SRRM4: variants seen among roughly 807,000 people sequenced by gnomAD.
The protein encoded by SRRM4 is serine/arginine repetitive matrix protein 4.
SRRM4 carries 33 observed loss-of-function variants against 68.9 expected under a neutral mutation model. That is an observed-to-expected ratio of 0.48 (90% CI 0.36 to 0.64). The LOEUF (loss-of-function observed/expected upper bound fraction) is 0.64, where lower values mean the gene tolerates loss of function less well. Ranked by LOEUF, SRRM4 falls within the 30% of genes least tolerant of loss-of-function variation. The pLI is 0.00. For synonymous variants in SRRM4, 318 were observed against 318.8 expected, an observed-to-expected ratio of 1.00 and a Z score of 0.03; for missense variants, 817 against 827.1, an observed-to-expected ratio of 0.99 and a Z score of 0.15.
At chr12:119,045,759 C>T (rs1953703517) in intron 1 of SRRM4, among the ~76,000 whole-genome samples, 1 of 152,040 alleles carries the variant, frequency 6.6e-6, no homozygotes, top group South Asian at 2.1e-4. Flanking sequence ...ATAATTAGGC[C>T]AGGCATGGTG....
rs553485126 is a variant in SRRM4 at position 119,004,302 on chromosome 12, G to C, written c.131+22289G>C. 1.6e-4 allele frequency among the ~76,000 whole-genome samples: 24 copies of C among 152,008 alleles called. No homozygotes were observed. The South Asian group carries it at 5.0e-3, about 32-fold the overall frequency. On this transcript the variant is annotated intron_variant, in intron 1 of 12. Transcript: ENST00000267260. ...ATCCCTTTAGGGTCACAACCATTCTGCTCCTTGCGTCCTGTGGGATATTTT... is the reference window on the plus strand; with the variant it reads ...ATCCCTTTAGGGTCACAACCATTCTCCTCCTTGCGTCCTGTGGGATATTTT...
At chr12:119,077,174 C>G (rs574315599) in intron 1 of SRRM4, among the ~76,000 whole-genome samples, 103 of 152,280 alleles carry the variant, frequency 6.8e-4, no homozygotes, top group African/African-American at 2.4e-3. Context: ...TGGGTCCCTA[C>G]CTACAGAATG....
chr12:119,125,953 G>A (rs1954256457), intron 7 of SRRM4, among the ~76,000 whole-genome samples: 1 of 150,736 alleles, frequency 6.6e-6, no homozygotes, highest in Non-Finnish European at 1.5e-5. Context: ...CAAGAGAAAG[G>A]GCTGGAGACC....
chr12:119,057,229 C>T (rs966619164), intron 1 of SRRM4, among the ~76,000 whole-genome samples: 1 of 152,080 alleles, frequency 6.6e-6, no homozygotes, highest in East Asian at 1.9e-4. Context: ...GCAGGATGCG[C>T]AGGTTTGTTA....
chr12:119,100,766 G>T (rs1742442458), intron 1 of SRRM4, among the ~76,000 whole-genome samples: 4 of 152,244 alleles, frequency 2.6e-5, no homozygotes, highest in African/African-American at 9.6e-5. Context: ...CAGCAGACAG[G>T]GCAGCATTCC....
At chr12:119,015,542 C>A (rs1296725335) in intron 1 of SRRM4, among the ~76,000 whole-genome samples, 2 of 152,172 alleles carry the variant, frequency 1.3e-5, no homozygotes, top group Non-Finnish European at 2.9e-5. Context: ...ACTCACCCTT[C>A]TACATGCTCT....
In SRRM4 at chr12:119,030,262, A is replaced by G. The variant is rs1442529770; in HGVS notation, c.131+48249A>G. Among the ~76,000 whole-genome samples, 3 of 152,352 alleles carry G rather than the reference A, an allele frequency of 2.0e-5. No individual in the cohort carries two copies. The East Asian group carries it at 5.8e-4, about 29-fold the overall frequency. On this transcript the variant is annotated intron_variant, in intron 1 of 12. Coordinates refer to ENST00000267260, the MANE Select transcript of SRRM4 (RefSeq NM_194286.4). Reference sequence around the variant, plus strand: ...AACCAAGGGTATGACACAGGATGGGAAGAACCTCCCCACAAGGGAGGATAA... The same window carrying G: ...AACCAAGGGTATGACACAGGATGGGGAGAACCTCCCCACAAGGGAGGATAA...
chr12:119,149,164 A>G (rs565018647), intron 9 of SRRM4, among the ~76,000 whole-genome samples: 63 of 152,324 alleles, frequency 4.1e-4, no homozygotes, highest in Admixed American at 4.0e-3. Context: ...CCTGGCCAAC[A>G]TGGTGAAACC....
chr12:119,063,235 T>C (rs1953825486), intron 1 of SRRM4, among the ~76,000 whole-genome samples: 2 of 152,244 alleles, frequency 1.3e-5, no homozygotes, highest in Admixed American at 6.5e-5. Context: ...TGGTTATCAA[T>C]GCACATGACT....
At chr12:119,128,350 A>G (rs1470818734) in intron 7 of SRRM4, among the ~76,000 whole-genome samples, 2 of 152,262 alleles carry the variant, frequency 1.3e-5, no homozygotes, top group South Asian at 2.1e-4. Context: ...CTTTCTAAAT[A>G]AGACTGATGA....
Position 119,154,081 on chromosome 12 carries a change from C to G in SRRM4, c.1392-162C>G, listed in dbSNP as rs1373768171. On this transcript the variant is annotated intron_variant, in intron 11 of 12. Transcript: ENST00000267260. The surrounding 1 kb of genome is among the most constrained non-coding windows in gnomAD (Gnocchi z 4.7). Reference sequence around the variant, plus strand: ...ACTAACAACCCTCGCAGACTCTTACCGCAGCCCCGTCATCCTCCCTCCGGT... The same window carrying G: ...ACTAACAACCCTCGCAGACTCTTACGGCAGCCCCGTCATCCTCCCTCCGGT... 6.6e-6 allele frequency among the ~76,000 whole-genome samples: 1 copy of G among 152,104 alleles called. No individual in the cohort carries two copies.
intron 2 of SRRM4, among the ~76,000 whole-genome samples, chr12:119,113,294 A>G (rs1954156337): frequency 1.3e-5 from 2 of 152,220 alleles, no homozygotes; most frequent in South Asian, 4.1e-4. Context: ...ATGATTGGCC[A>G]CACAAACAAG....
chr12:119,113,467 T>C (rs962711206), intron 2 of SRRM4, among the ~76,000 whole-genome samples: 1 of 152,226 alleles, frequency 6.6e-6, no homozygotes, highest in Admixed American at 6.5e-5. Flanking sequence ...CTCAAAGTGT[T>C]TGTATCCCAA....
At chr12:119,088,672 C>T (rs1300954426) in intron 1 of SRRM4, among the ~76,000 whole-genome samples, 5 of 71,324 alleles carry the variant, frequency 7.0e-5, no homozygotes, top group Admixed American at 3.0e-4. Context: ...TTTTGGGGGG[C>T]GTGGGGGTGG....
In SRRM4 at chr12:119,117,596, G is replaced by GCACACACACACACACACACA. The variant is rs71451816; in HGVS notation, c.437+607_437+608insACACACACACACACACACAC. ...GGCCCATGTTCCTGGTGTTCACTGT[G>GCACACACACACACACACACA]CACACACACACACACACACGTGTAT... On this transcript the variant is annotated intron_variant, in intron 4 of 12. Coordinates refer to ENST00000267260, the MANE Select transcript of SRRM4 (RefSeq NM_194286.4). Among the ~76,000 whole-genome samples the GCACACACACACACACACACA allele has an allele frequency of 4.5e-3, 675 of 150,392 alleles. 7 individuals are homozygous for GCACACACACACACACACACA. Among genetic ancestry groups the GCACACACACACACACACACA allele is most frequent in the African/African-American group, 0.012 (501 of 40,972 alleles).
chr12:119,076,693 GA>G (rs778391210), intron 1 of SRRM4, among the ~76,000 whole-genome samples: 1 of 152,214 alleles, frequency 6.6e-6, no homozygotes, highest in Non-Finnish European at 1.5e-5. Context: ...CCACCCCAAG[GA>G]AGTGCAAGAG....
chr12:119,134,375 G>A (rs1352261782), intron 8 of SRRM4, among the ~76,000 whole-genome samples: 9 of 119,946 alleles, frequency 7.5e-5, no homozygotes, highest in African/African-American at 2.6e-4. Flanking sequence ...GGGAGGCAGA[G>A]AGATTGTAAA....
chr12:119,089,850 T>C (rs1383075656), intron 1 of SRRM4, among the ~76,000 whole-genome samples: 1 of 152,188 alleles, frequency 6.6e-6, no homozygotes, highest in African/African-American at 2.4e-5. Flanking sequence ...AAACATATAT[T>C]GAACATTTAT....
At chr12:119,085,274 T>C (rs906418555) in intron 1 of SRRM4, among the ~76,000 whole-genome samples, 2 of 152,218 alleles carry the variant, frequency 1.3e-5, no homozygotes, top group Non-Finnish European at 2.9e-5. Flanking sequence ...TTACATATTT[T>C]CACCATTAAT....
Sources: gnomAD v4.1 joint callset for allele counts (sites outside exome capture counted in the v4.1 genomes callset) on GRCh38, gnomAD v4.1.1 for gene constraint, Gnocchi (gnomAD v3.1) non-coding constraint, MANE v1.5 for transcripts, NCBI Gene and HGNC (gene_info 2026-07-23, HGNC 2026-07-21) for gene names.